The following POGZ variants were observed in gnomAD, a reference collection of about 807,000 sequenced individuals.
POGZ encodes pogo transposable element derived with ZNF domain, also known as pogo transposable element with ZNF domain.
In POGZ, 17 loss-of-function variants were observed where a neutral mutation model predicts 134.6. The ratio of observed to expected loss-of-function variants is 0.13; its 90% confidence interval spans 0.09 to 0.19. The LOEUF (loss-of-function observed/expected upper bound fraction) is 0.19. Ranked by LOEUF, POGZ falls within the 10% of genes least tolerant of loss-of-function variation. The probability of loss-of-function intolerance (pLI) is 1.00; values close to 1 mark genes in which losing one functional copy is unlikely to be tolerated. For missense variants in POGZ, 1,306 were observed against 1,769.7 expected (o/e 0.74, Z 4.70); for synonymous variants, 693 against 657.1 (o/e 1.05, Z -0.84).
At chr1:151,419,115 A>G (rs1656365501) in intron 10 of POGZ, among the ~76,000 whole-genome samples, 1 of 150,942 alleles carries the variant, frequency 6.6e-6, no homozygotes, top group South Asian at 2.1e-4. Context: ...GCACTTTGGG[A>G]GGCCGATGCA....
intron 10 of POGZ, among the ~76,000 whole-genome samples, chr1:151,421,875 C>T (rs548309501): frequency 1.3e-5 from 2 of 152,164 alleles, no homozygotes; most frequent in African/African-American, 2.4e-5. Flanking sequence ...GCCTTGGCTT[C>T]CTGAGTAGTT....
chr1:151,421,378 G>C lies in POGZ; in HGVS notation c.1678+2019C>G, dbSNP rs550005529. On this transcript the variant is annotated intron_variant, in intron 10 of 18. Transcript: ENST00000271715. Reference sequence around the variant, plus strand: ...AAAACAGATTCAAGAAAGAAAAATTGAGGATAAGGGAGCGCTACTGTATTT... The same window carrying C: ...AAAACAGATTCAAGAAAGAAAAATTCAGGATAAGGGAGCGCTACTGTATTT... Among the ~76,000 whole-genome samples, 12 of 151,112 alleles carry C rather than the reference G, an allele frequency of 7.9e-5. No homozygotes were observed. In the South Asian group the frequency reaches 1.9e-3, roughly 24 times the overall value.
chr1:151,448,041 G>A (rs1223659424), intron 1 of POGZ, among the ~76,000 whole-genome samples: 1 of 152,054 alleles, frequency 6.6e-6, no homozygotes, highest in East Asian at 1.9e-4. Context: ...TAAAAGGCTA[G>A]GGTCCTTCTT....
In POGZ at chr1:151,407,297, A is replaced by G. The variant is rs1287078374; in HGVS notation, c.2376-6T>C. ...TCTTCCGTGGAACATGATTGCTGAG[A>G]AAGACAAAGAAGTGGTATGAGTTAC... On this transcript the variant is annotated splice_polypyrimidine_tract_variant and splice_region_variant and intron_variant, in intron 15 of 18. Coordinates refer to ENST00000271715, the MANE Select transcript of POGZ (RefSeq NM_015100.4). 6.2e-7 allele frequency: 1 copy of G among 1,604,330 alleles called. No homozygotes were observed. The highest frequency in any genetic ancestry group is 8.5e-7 in the Non-Finnish European group (1 of 1,174,840).
intron 10 of POGZ, among the ~76,000 whole-genome samples, chr1:151,413,434 G>C (rs908284414): frequency 2.5e-4 from 38 of 151,908 alleles, no homozygotes; most frequent in African/African-American, 8.0e-4. Flanking sequence ...GCCAATTTTG[G>C]TAAGACTTTT....
In POGZ at chr1:151,446,692, G is replaced by A. The variant is rs577567748; in HGVS notation, c.-1-4487C>T. ...AATCGCTTGAACCTGAGAGGTGGAG[G>A]TCGCAGTGAGCTGAGATCGTGCCAC... On this transcript the variant is annotated intron_variant, in intron 1 of 18. Transcript: ENST00000271715. 2.1e-4 allele frequency among the ~76,000 whole-genome samples: 32 copies of A among 149,512 alleles called. No individual in the cohort carries two copies. The South Asian group carries it at 6.1e-3, about 29-fold the overall frequency.
At chr1:151,430,104 C>T (rs770764558) in intron 4 of POGZ, among the ~76,000 whole-genome samples, 1 of 152,016 alleles carries the variant, frequency 6.6e-6, no homozygotes, top group African/African-American at 2.4e-5. Context: ...AAAATTGTTC[C>T]CAAAGTCTAC....
chr1:151,449,120 C>T (rs947608749), intron 1 of POGZ, among the ~76,000 whole-genome samples: 3 of 152,126 alleles, frequency 2.0e-5, no homozygotes, highest in African/African-American at 7.2e-5. Flanking sequence ...CCCAATAGTG[C>T]TAAAATATTT....
At chr1:151,436,648 C>T (rs1035904893) in intron 3 of POGZ, among the ~76,000 whole-genome samples, 13 of 152,124 alleles carry the variant, frequency 8.5e-5, no homozygotes, top group Non-Finnish European at 1.6e-4. Flanking sequence ...ATTATGTTTT[C>T]AAGGTTCATC....
In POGZ at chr1:151,459,361, T is replaced by A. The variant is rs1044563938; in HGVS notation, c.-211A>T. ...TCGAGTGATTCGGGGTGGATTTTTTTCCCGAGGGGGGCGGGGGGGCCCCGA... is the reference window on the plus strand; with the variant it reads ...TCGAGTGATTCGGGGTGGATTTTTTACCCGAGGGGGGCGGGGGGGCCCCGA... On this transcript the variant is annotated 5_prime_UTR_variant, in exon 1 of 19. Coordinates refer to ENST00000271715, the MANE Select transcript of POGZ (RefSeq NM_015100.4). 2.2e-4 allele frequency: 26 copies of A among 120,758 alleles called. No individual in the cohort carries two copies. Among genetic ancestry groups the A allele is most frequent in the Admixed American group, 2.0e-4 (2 of 9,976 alleles). 7.5% of individuals were successfully genotyped at this position (120,758 alleles called of 1,614,324 possible).
rs751690081 is a variant in POGZ at position 151,424,193 on chromosome 1, C to T, written c.1279G>A (p.Glu427Lys). The change falls in exon 9 of 19, where the codon GAG (glutamate) becomes AAG (lysine). Residue 427 changes from glutamate to lysine, a missense_variant. This residue lies in a region of POGZ where 541 missense variants were observed against 680.5 expected (regional missense o/e 0.80). Transcript: ENST00000271715. ...GTGGAAGCAACAGGAGCTGTTTTCT[C>T]AGGGGATGGGGGCTTTGCTGCTGAT... The part of the protein sequence containing the change: ...VPSAAKPPSP[E>K]KTAPVASTPS... 6.2e-7 allele frequency: 1 copy of T among 1,613,976 alleles called. No individual in the cohort carries two copies. The highest frequency in any genetic ancestry group is 1.3e-5 in the African/African-American group (1 of 74,900).
intron 7 of POGZ, chr1:151,427,189 G>A (rs1657935404): frequency 6.6e-6 from 1 of 151,958 alleles, no homozygotes; most frequent in African/African-American, 2.4e-5. Flanking sequence ...GGGATGAGGT[G>A]TGAGCCACTA....
At chr1:151,414,505 G>A (rs1166185419) in intron 10 of POGZ, among the ~76,000 whole-genome samples, 5 of 152,224 alleles carry the variant, frequency 3.3e-5, no homozygotes, top group African/African-American at 1.2e-4. Flanking sequence ...TGTGTTGGCT[G>A]GGCACGGTGG....
At chr1:151,440,773 A>G in intron 3 of POGZ, 155 bp downstream of exon 3, 1 of 599,756 alleles carries the variant, frequency 1.7e-6, no homozygotes, top group Non-Finnish European at 2.9e-6. Flanking sequence ...CATCTACAGA[A>G]ATCACTTCCG....
Position 151,403,649 on chromosome 1 carries a change from A to T in POGZ, c.*1153T>A. ...AAGATTCATGTCATTTTCTTTGTGCACACCCCTGTGCGCTTCTTCCTGTCA... is the reference window on the plus strand; with the variant it reads ...AAGATTCATGTCATTTTCTTTGTGCTCACCCCTGTGCGCTTCTTCCTGTCA... On this transcript the variant is annotated 3_prime_UTR_variant, in exon 19 of 19. Transcript: ENST00000271715. 2 of 985,732 alleles carry T rather than the reference A, an allele frequency of 2.0e-6. No homozygotes were observed. Among genetic ancestry groups the T allele is most frequent in the Non-Finnish European group, 1.2e-6 (1 of 829,802 alleles). The allele number at this position is 985,732 out of a possible 1,614,324, so 61.1% of individuals were successfully genotyped here.
rs373707079 is a variant in POGZ at position 151,406,650 on chromosome 1, C to G, written c.2546-19G>C. ...GTGAGTCCTATGGAAAATGAAACAA[C>G]AAAAATAGTTAGCTCAGTGAAAAAA... On this transcript the variant is annotated intron_variant, in intron 17 of 18. Transcript: ENST00000271715. 6 of 1,601,524 alleles carry G rather than the reference C, an allele frequency of 3.7e-6. No homozygotes were observed. The highest frequency in any genetic ancestry group is 5.1e-6 in the Non-Finnish European group (6 of 1,174,626).
In POGZ at chr1:151,413,193, C is replaced by G. The variant is rs181313216; in HGVS notation, c.1679-797G>C. On this transcript the variant is annotated intron_variant, in intron 10 of 18. Transcript: ENST00000271715. ...TAGCTCACCGCAGCCTCCTGAGTAGCTAGGACTATCCTTTGAGCTCAAGCG... is the reference window on the plus strand; with the variant it reads ...TAGCTCACCGCAGCCTCCTGAGTAGGTAGGACTATCCTTTGAGCTCAAGCG... 3.1e-3 allele frequency among the ~76,000 whole-genome samples: 454 copies of G among 148,340 alleles called. 3 individuals carry two copies. The highest frequency in any genetic ancestry group is 0.011 in the African/African-American group (438 of 40,118).
intron 5 of POGZ, among the ~76,000 whole-genome samples, chr1:151,428,824 A>C (rs893423716): frequency 2.6e-5 from 4 of 152,182 alleles, no homozygotes; most frequent in African/African-American, 9.7e-5. Flanking sequence ...TCTTCTATCA[A>C]CTCAGAAGAC....
In POGZ at chr1:151,403,483, CAG is replaced by C; in HGVS notation, c.*1317_*1318del. ...ACATTGTGGAAAGCCTCAGGATAAA[CAG>C]AAGACTTGGTTTTTTGCTCCTTTTC... On this transcript the variant is annotated 3_prime_UTR_variant, in exon 19 of 19. Transcript: ENST00000271715. 4.1e-6 allele frequency: 4 copies of C among 985,800 alleles called. No individual in the cohort carries two copies. Among genetic ancestry groups the C allele is most frequent in the Non-Finnish European group, 4.8e-6 (4 of 829,938 alleles). 61.1% of individuals were successfully genotyped at this position (985,800 alleles called of 1,614,324 possible). A position where few individuals can be genotyped will look rare whatever the true frequency, so the allele number is the denominator to read the frequency against.
Sources: allele counts gnomAD v4.1 joint callset (sites outside exome capture counted in the v4.1 genomes callset), GRCh38; gene constraint gnomAD v4.1.1; regional missense constraint gnomAD v4.1.1; transcripts MANE v1.5; gene names NCBI Gene and HGNC (gene_info 2026-07-23, HGNC 2026-07-21).